SAMSN1: variants seen among roughly 807,000 people sequenced by gnomAD.
SAMSN1 encodes SAM domain-containing protein SAMSN-1.
SAMSN1 carries 31 observed loss-of-function variants against 42.0 expected under a neutral mutation model. The observed-to-expected ratio is 0.74, with a 90% CI of 0.55 to 1.00. SAMSN1 has a LOEUF of 1.00. Ranked by LOEUF, SAMSN1 falls within the 50% of genes least tolerant of loss-of-function variation. The pLI is 0.00. For missense variants in SAMSN1, 464 were observed against 439.4 expected, an observed-to-expected ratio of 1.06 and a Z score of -0.50; for synonymous variants, 178 against 151.9, an observed-to-expected ratio of 1.17 and a Z score of -1.26.
At chr21:14,609,395 C>T in intron 5 of SAMSN1, 1 of 701,314 alleles carries the variant, frequency 1.4e-6, no homozygotes, top group Admixed American at 2.1e-5. Flanking sequence ...TGCTTATTTT[C>T]ATGGTGGAAG....
intron 2 of SAMSN1, among the ~76,000 whole-genome samples, chr21:14,577,078 C>A (rs1417232614): frequency 1.0e-4 from 8 of 79,632 alleles, no homozygotes; most frequent in Admixed American, 3.4e-4. Context: ...TTTTTTGAGA[C>A]GGAATCTCAC....
At chr21:14,579,926 T>G (rs1295771378) in intron 2 of SAMSN1, among the ~76,000 whole-genome samples, 2 of 152,196 alleles carry the variant, frequency 1.3e-5, no homozygotes, top group African/African-American at 4.8e-5. Context: ...ATGAGGGCAG[T>G]GTAGATATCA....
At position 14,507,363 on chromosome 21, in the gene SAMSN1, C is replaced by T. The variant is rs182738324; in HGVS notation, c.561+2947G>A. On this transcript the variant is annotated intron_variant, in intron 5 of 7. Coordinates refer to ENST00000400566, the MANE Select transcript of SAMSN1 (RefSeq NM_022136.5). ...GCAAAGTTTCTGGATACAAAATTAA[C>T]GTACACAAATCAGTAGCTCTTTTAT... Among the ~76,000 whole-genome samples the T allele has an allele frequency of 1.3e-4, 20 of 152,198 alleles. No individual in the cohort carries two copies. In the East Asian group the frequency reaches 1.7e-3, roughly 13 times the overall value.
At chr21:14,657,513 G>T (rs957820541) in intron 1 of SAMSN1, among the ~76,000 whole-genome samples, 1 of 151,816 alleles carries the variant, frequency 6.6e-6, no homozygotes, top group African/African-American at 2.4e-5. Flanking sequence ...GCTGAACCAT[G>T]CTATGTTATA....
Position 14,539,008 on chromosome 21 carries a change from A to C in SAMSN1, c.57+7197T>G, listed in dbSNP as rs142190855. On this transcript the variant is annotated intron_variant, in intron 1 of 7. Coordinates refer to ENST00000400566, the MANE Select transcript of SAMSN1 (RefSeq NM_022136.5). ...CTCAAGTAAAGGCCAAGATGTTCTAATTACAGTCACTAACTTTAATTTGTG... is the reference window on the plus strand; with the variant it reads ...CTCAAGTAAAGGCCAAGATGTTCTACTTACAGTCACTAACTTTAATTTGTG... Among the ~76,000 whole-genome samples the C allele has an allele frequency of 9.6e-4, 147 of 152,356 alleles. 5 individuals carry two copies. In the East Asian group the frequency reaches 0.019, roughly 19 times the overall value.
chr21:14,636,682 C>CT (rs1440017766), intron 2 of SAMSN1, among the ~76,000 whole-genome samples: 2 of 152,124 alleles, frequency 1.3e-5, no homozygotes, highest in Non-Finnish European at 2.9e-5. Context: ...AACCCTGTCT[C>CT]TATTAAAATA....
rs1034705790 is a variant in SAMSN1 at position 14,498,688 on chromosome 21, G to T, written c.769-96C>A. ...AAGAAAGTATAGAGATGCACATGGG[G>T]ACCAAAGGTGCCAATAGAACTTTTA... is the stretch of plus-strand genomic sequence containing the variant. On this transcript the variant is annotated intron_variant, in intron 6 of 7. Transcript: ENST00000400566. The T allele has an allele frequency of 1.6e-5, 15 of 920,576 alleles. No individual in the cohort carries two copies. The African/African-American group carries it at 2.4e-4, about 15-fold the overall frequency. The allele number at this position is 920,576 out of a possible 1,614,324, so 57.0% of individuals were successfully genotyped here. A position where few individuals can be genotyped will look rare whatever the true frequency, so the allele number is the denominator to read the frequency against.
intron 1 of SAMSN1, among the ~76,000 whole-genome samples, chr21:14,521,668 C>T (rs894052249): frequency 3.3e-5 from 5 of 151,996 alleles, no homozygotes; most frequent in East Asian, 1.9e-4. Flanking sequence ...TCCACCATTA[C>T]GCCTCACAAA....
upstream of SAMSN1, among the ~76,000 whole-genome samples, chr21:14,546,644 C>G (rs942262148): frequency 1.3e-4 from 19 of 146,714 alleles, no homozygotes; most frequent in African/African-American, 4.6e-4. Flanking sequence ...TGAAATAAAA[C>G]TTGAGATGTT....
At chr21:14,601,044 A>T (rs557803411) in intron 6 of SAMSN1, among the ~76,000 whole-genome samples, 1 of 152,326 alleles carries the variant, frequency 6.6e-6, no homozygotes, top group South Asian at 2.1e-4. Flanking sequence ...TGTATTTTAC[A>T]GATGATAAAA....
chr21:14,569,515 AT>A (rs542538612), intron 2 of SAMSN1, among the ~76,000 whole-genome samples: 7 of 151,920 alleles, frequency 4.6e-5, no homozygotes, highest in Non-Finnish European at 7.4e-5. Flanking sequence ...TTTTTGATAG[AT>A]TTTTTTCCCA....
At chr21:14,654,279 G>A (rs2822816) in intron 1 of SAMSN1, among the ~76,000 whole-genome samples, 14,032 of 152,002 alleles carry the variant, frequency 0.092, 755 homozygotes, top group Admixed American at 0.19. Context: ...TGGCCAATAT[G>A]ATTTGCTGTT....
At chr21:14,584,830 TC>T (rs1258429112), upstream of SAMSN1, among the ~76,000 whole-genome samples, 1 of 152,238 alleles carries the variant, frequency 6.6e-6, no homozygotes, top group East Asian at 1.9e-4. Flanking sequence ...AATAATGCTT[TC>T]CAATCCTTTT....
chr21:14,594,021 C>G (rs1276433875), exon 7 of SAMSN1: 3 of 715,634 alleles, frequency 4.2e-6, no homozygotes, highest in African/African-American at 1.7e-5. Flanking sequence ...ACCAGTTCAT[C>G]AACAGTGGTC....
chr21:14,489,282 C>T (rs2123639798), intron 7 of SAMSN1, among the ~76,000 whole-genome samples: 1 of 152,194 alleles, frequency 6.6e-6, no homozygotes, highest in East Asian at 1.9e-4. Context: ...TATGGACTTC[C>T]CATAGGATGT....
chr21:14,609,802 C>A (rs1164447140), intron 4 of SAMSN1, among the ~76,000 whole-genome samples: 1 of 152,106 alleles, frequency 6.6e-6, no homozygotes, highest in Non-Finnish European at 1.5e-5. Flanking sequence ...TTTATTAGTT[C>A]CCCAAATTAA....
chr21:14,598,053 C>T (rs1352261541), intron 6 of SAMSN1: 2 of 152,026 alleles, frequency 1.3e-5, no homozygotes, highest in Non-Finnish European at 2.9e-5. Context: ...TAGTGAAAGA[C>T]ACGAAGAAAG....
intron 2 of SAMSN1, among the ~76,000 whole-genome samples, chr21:14,636,633 A>G (rs1005625914): frequency 1.3e-5 from 2 of 152,120 alleles, no homozygotes; most frequent in African/African-American, 4.8e-5. Context: ...ACGAGGTAAC[A>G]AGATCAGGAG....
At chr21:14,585,844 A>G (rs567361153), upstream of SAMSN1, among the ~76,000 whole-genome samples, 3 of 152,328 alleles carry the variant, frequency 2.0e-5, no homozygotes, top group East Asian at 5.8e-4. Context: ...TTCTAGTAGC[A>G]AATTATTTCT....
Sources: allele counts gnomAD v4.1 joint callset (sites outside exome capture counted in the v4.1 genomes callset), GRCh38; gene constraint gnomAD v4.1.1; transcripts MANE v1.5; gene names NCBI Gene and HGNC (gene_info 2026-07-23, HGNC 2026-07-21).